Variants in GPHN observed in about 807,000 individuals in gnomAD.
GPHN encodes gephyrin.
GPHN carries 17 observed loss-of-function variants against 95.5 expected under a neutral mutation model. The ratio of observed to expected loss-of-function variants is 0.18; its 90% CI spans 0.12 to 0.27. The LOEUF (loss-of-function observed/expected upper bound fraction) is 0.27. Ranked by LOEUF, GPHN falls within the 10% of genes least tolerant of loss-of-function variation. The pLI, the probability that GPHN is intolerant of heterozygous loss-of-function variation, is 1.00. For missense variants in GPHN, 660 were observed against 978.1 expected, an observed-to-expected ratio of 0.67 and a Z score of 4.34; for synonymous variants, 320 against 322.5, an observed-to-expected ratio of 0.99 and a Z score of 0.08.
At chr14:66,895,680 A>G (rs962328228) in intron 5 of GPHN, among the ~76,000 whole-genome samples, 3 of 152,174 alleles carry the variant, frequency 2.0e-5, no homozygotes, top group Admixed American at 6.5e-5. Context: ...CCATTCAAGA[A>G]TGGGGGAGGA....
rs144038096 is a variant in GPHN at position 67,024,309 on chromosome 14, G to A, written c.1006+634G>A. On this transcript the variant is annotated intron_variant, in intron 10 of 22. Transcript: ENST00000478722. ...TTGAAATGATGTCACATTGAAAATC[G>A]TGTCTTAAAAGATTTGGGATCCTAA... Among the ~76,000 whole-genome samples, 41 of 152,134 alleles carry A rather than the reference G, an allele frequency of 2.7e-4. No homozygotes were observed. The East Asian group carries it at 3.9e-3, about 14-fold the overall frequency.
chr14:66,915,585 T>G (rs1460216329), intron 5 of GPHN, among the ~76,000 whole-genome samples: 1 of 152,214 alleles, frequency 6.6e-6, no homozygotes, highest in Non-Finnish European at 1.5e-5. Flanking sequence ...ATAGACTTCC[T>G]GAGAAGCAAG....
the GPHN span, chr14:67,224,989 A>G: frequency 1.3e-6 from 1 of 740,738 alleles, no homozygotes; most frequent in African/African-American, 1.8e-5. Context: ...TCTGAATTTA[A>G]TATTCAAAAT....
chr14:67,365,742 G>A, the GPHN span, among the ~76,000 whole-genome samples: 234 of 152,252 alleles, frequency 1.5e-3, 1 homozygote, highest in African/African-American at 5.5e-3. Flanking sequence ...CATCATGTCC[G>A]AAAGGCTTCA....
chr14:67,598,709 C>A, the GPHN span, among the ~76,000 whole-genome samples: 5 of 108,382 alleles, frequency 4.6e-5, no homozygotes, highest in Admixed American at 1.2e-4. Flanking sequence ...GACTTATGAA[C>A]AAACTTTTTT....
intron 8 of GPHN, among the ~76,000 whole-genome samples, chr14:66,925,613 C>G (rs1033639557): frequency 6.6e-6 from 1 of 152,108 alleles, no homozygotes; most frequent in African/African-American, 2.4e-5. Flanking sequence ...GGATCTCATT[C>G]TTTTTTATAG....
At chr14:67,264,430 TAAA>T in the GPHN span, among the ~76,000 whole-genome samples, 1 of 151,294 alleles carries the variant, frequency 6.6e-6, no homozygotes, top group Non-Finnish European at 1.5e-5. Context: ...GGGGTCAAAT[TAAA>T]AAAAATCATT....
intron 3 of GPHN, among the ~76,000 whole-genome samples, chr14:66,785,727 A>T (rs1469710853): frequency 6.6e-6 from 1 of 151,378 alleles, no homozygotes; most frequent in African/African-American, 2.4e-5. Context: ...AAAACCAAAA[A>T]ACAAACAAAA....
chr14:66,777,992 G>A (rs1329304223), intron 3 of GPHN, among the ~76,000 whole-genome samples: 1 of 152,012 alleles, frequency 6.6e-6, no homozygotes, highest in African/African-American at 2.4e-5. Flanking sequence ...GGCAGGAGAA[G>A]GAAATAAAGG....
chr14:67,678,472 T>G, the GPHN span: 2 of 1,255,404 alleles, frequency 1.6e-6, no homozygotes, highest in East Asian at 4.6e-5. Context: ...GAATGAAGTC[T>G]GCCATCTGCC....
chr14:67,670,372 G>A, the GPHN span, among the ~76,000 whole-genome samples: 1 of 152,016 alleles, frequency 6.6e-6, no homozygotes, highest in African/African-American at 2.4e-5. Flanking sequence ...CTCCAGAGTT[G>A]GGAGTATTCC....
chr14:67,523,732 A>T, the GPHN span, among the ~76,000 whole-genome samples: 1 of 152,254 alleles, frequency 6.6e-6, no homozygotes, highest in Non-Finnish European at 1.5e-5. Flanking sequence ...TTTTGTTAAA[A>T]GATTCTGCCT....
At chr14:67,610,562 T>C in the GPHN span, among the ~76,000 whole-genome samples, 2 of 152,186 alleles carry the variant, frequency 1.3e-5, no homozygotes, top group Non-Finnish European at 2.9e-5. Flanking sequence ...GGTCTCAAGA[T>C]TGATAACTTC....
intron 2 of GPHN, among the ~76,000 whole-genome samples, chr14:66,703,173 T>G (rs2153416259): frequency 6.6e-6 from 1 of 152,250 alleles, no homozygotes; most frequent in South Asian, 2.1e-4. Context: ...TATGATTAAC[T>G]GGAATACCTG....
chr14:67,376,419 G>A, the GPHN span: 8 of 1,567,254 alleles, frequency 5.1e-6, no homozygotes, highest in Non-Finnish European at 6.9e-6. Context: ...GAATTGTTGA[G>A]CTTTTCATTT....
chr14:66,938,109 C>T (rs2067223373), intron 8 of GPHN, among the ~76,000 whole-genome samples: 1 of 152,088 alleles, frequency 6.6e-6, no homozygotes, highest in Non-Finnish European at 1.5e-5. Flanking sequence ...CCATCATTCT[C>T]AAATATATCT....
At chr14:66,821,970 G>A (rs549255832) in intron 3 of GPHN, among the ~76,000 whole-genome samples, 5 of 152,166 alleles carry the variant, frequency 3.3e-5, no homozygotes, top group South Asian at 2.1e-4. Context: ...TTGTTTGTTC[G>A]AGACGGAGTC....
the GPHN span, among the ~76,000 whole-genome samples, chr14:67,703,001 G>A: frequency 2.0e-5 from 3 of 146,422 alleles, no homozygotes; most frequent in African/African-American, 7.7e-5. Context: ...TTTTTTTTTT[G>A]TAGAGTCAGA....
the GPHN span, among the ~76,000 whole-genome samples, chr14:67,504,437 T>G: frequency 2.0e-5 from 3 of 152,370 alleles, no homozygotes; most frequent in Non-Finnish European, 1.5e-5. Context: ...TGTCAGTTGT[T>G]GTCACTAACC....
Sources: allele counts gnomAD v4.1 joint callset (sites outside exome capture counted in the v4.1 genomes callset), GRCh38; gene constraint gnomAD v4.1.1; transcripts MANE v1.5; gene names NCBI Gene and HGNC (gene_info 2026-07-23, HGNC 2026-07-21).